The following TRIM36 variants were observed in gnomAD, a reference collection of about 807,000 sequenced individuals.
The protein encoded by TRIM36 is E3 ubiquitin-protein ligase TRIM36.
Under a neutral mutation model 72.4 loss-of-function variants are expected in TRIM36, and 42 were observed. The ratio of observed to expected loss-of-function variants is 0.58; its 90% confidence interval spans 0.45 to 0.75. The LOEUF is 0.75. Among genes scored for constraint, TRIM36 ranks in the 30% least tolerant of loss-of-function variants. The probability of loss-of-function intolerance (pLI) is 0.00; values close to 1 mark genes in which losing one functional copy is unlikely to be tolerated. For missense variants in TRIM36, 913 were observed against 857.1 expected (o/e 1.07, Z -0.81); for synonymous variants, 315 against 282.8 (o/e 1.11, Z -1.14).
In TRIM36 at chr5:115,141,369, C is replaced by T. The variant is rs767173799; in HGVS notation, c.741G>A (p.Lys247=). ...MSSAYKTLKE[K]LSKDIDYLIG... is the part of the protein sequence containing the mutation. ...TAAGGTAATCAATATCCTTTGAAAG[C>T]TTTTCCTGTTGAAACATATTCGTAA... The change falls in exon 5 of 10, where the codon AAG becomes AAA. Residue 247 remains lysine (K), a synonymous_variant. Coordinates refer to ENST00000513154, the MANE Select transcript of TRIM36 (RefSeq NM_001300759.2). 1.1e-5 allele frequency: 18 copies of T among 1,583,852 alleles called. No homozygotes were observed. The Admixed American group carries it at 2.3e-4, about 21-fold the overall frequency.
At chr5:115,132,316 T>C (rs562053666) in intron 8 of TRIM36, among the ~76,000 whole-genome samples, 1 of 151,854 alleles carries the variant, frequency 6.6e-6, no homozygotes, top group African/African-American at 2.4e-5. Flanking sequence ...GGTGGATCAC[T>C]TGAGGTCAGG....
intron 1 of TRIM36, among the ~76,000 whole-genome samples, chr5:115,175,690 A>T (rs1755299171): frequency 6.6e-6 from 1 of 151,934 alleles, no homozygotes; most frequent in Admixed American, 6.6e-5. Flanking sequence ...AGTAAAAAAA[A>T]ATAAGAGGAA....
At chr5:115,138,877 G>A (rs975200625) in intron 5 of TRIM36, among the ~76,000 whole-genome samples, 18 of 152,040 alleles carry the variant, frequency 1.2e-4, no homozygotes, top group African/African-American at 3.1e-4. Flanking sequence ...GTGCAGTGGC[G>A]CGATCTCGGC....
chr5:115,161,789 T>C (rs1321981512), intron 2 of TRIM36, among the ~76,000 whole-genome samples: 1 of 152,162 alleles, frequency 6.6e-6, no homozygotes, highest in Non-Finnish European at 1.5e-5. Context: ...TTACAGTAGT[T>C]GAGCTAAAGG....
At chr5:115,137,261 T>C (rs925375053) in intron 6 of TRIM36, 102 bp downstream of exon 6, 1 of 1,495,910 alleles carries the variant, frequency 6.7e-7, no homozygotes, top group South Asian at 1.4e-5. Flanking sequence ...GTACCTCACA[T>C]TAACACAGCA....
At position 115,166,939 on chromosome 5, in the gene TRIM36, TG is replaced by T. The variant is rs754817087; in HGVS notation, c.27+2668del. ...CCTGCCCCGCCACAGCCACCATGCC[TG>T]GCTGTGCACACTGTACCCCGCGCTC... On this transcript the variant is annotated intron_variant, in intron 1 of 9. Coordinates refer to ENST00000513154, the MANE Select transcript of TRIM36 (RefSeq NM_001300759.2). Among the ~76,000 whole-genome samples the T allele has an allele frequency of 2.6e-5, 4 of 152,318 alleles. No homozygotes were observed. The East Asian group carries it at 7.7e-4, about 29-fold the overall frequency.
Position 115,137,543 on chromosome 5 carries a change from T to C in TRIM36, c.905A>G (p.Lys302Arg). The change falls in exon 6 of 10, where the codon AAA (lysine) becomes AGA (arginine). Residue 302 changes from lysine to arginine, a missense_variant. Coordinates refer to ENST00000513154, the MANE Select transcript of TRIM36 (RefSeq NM_001300759.2). ...GTCAATTGCTTTCAAAACAGATGAT[T>C]TCCTCTCTTCCAGAACTTCAAAGAG... ...EKLFEVLEER[K>R]SSVLKAIDSS... 1 of 1,614,078 alleles carries C rather than the reference T, an allele frequency of 6.2e-7. No individual in the cohort carries two copies. Among genetic ancestry groups the C allele is most frequent in the Non-Finnish European group, 8.5e-7 (1 of 1,179,996 alleles).
chr5:115,159,671 C>G (rs768978040), intron 2 of TRIM36: 3 of 452,892 alleles, frequency 6.6e-6, no homozygotes, highest in South Asian at 4.7e-5. Context: ...CGTTGTGATG[C>G]TGTGAACAAT....
chr5:115,127,832 A>G (rs1752435593), intron 9 of TRIM36, among the ~76,000 whole-genome samples: 1 of 152,084 alleles, frequency 6.6e-6, no homozygotes, highest in Non-Finnish European at 1.5e-5. Context: ...ACTGTAAAAC[A>G]GCCTCAGGCA....
chr5:115,157,441 G>T (rs1754234913), intron 2 of TRIM36, among the ~76,000 whole-genome samples: 1 of 152,112 alleles, frequency 6.6e-6, no homozygotes, highest in Admixed American at 6.6e-5. Context: ...GTGCTCACTT[G>T]TAATCCCAGC....
upstream of TRIM36, chr5:115,171,165 G>C: frequency 6.2e-7 from 1 of 1,614,212 alleles, no homozygotes. Flanking sequence ...GCTGTGGCAA[G>C]TTCCGTCGTC....
intron 3 of TRIM36, among the ~76,000 whole-genome samples, chr5:115,145,421 C>T (rs1303452919): frequency 6.6e-6 from 1 of 152,038 alleles, no homozygotes; most frequent in Non-Finnish European, 1.5e-5. Flanking sequence ...AGGGGAGATT[C>T]CTTTAAGTTA....
upstream of TRIM36, among the ~76,000 whole-genome samples, chr5:115,172,051 T>C (rs990236903): frequency 2.0e-5 from 3 of 152,222 alleles, 1 homozygote; most frequent in Admixed American, 2.0e-4. Context: ...AATTTTGTGT[T>C]TGTAAAAATT....
intron 4 of TRIM36, 90 bp downstream of exon 4, chr5:115,144,508 T>C (rs1753468685): frequency 6.6e-6 from 10 of 1,504,708 alleles, no homozygotes; most frequent in Middle Eastern, 1.7e-4. Context: ...AAAGAGACCA[T>C]ATAACACACC....
intron 9 of TRIM36, among the ~76,000 whole-genome samples, chr5:115,128,403 G>A (rs1752469976): frequency 6.6e-6 from 1 of 151,646 alleles, no homozygotes; most frequent in African/African-American, 2.4e-5. Context: ...GATGTACAAT[G>A]TGTTTGTGTT....
intron 1 of TRIM36, among the ~76,000 whole-genome samples, chr5:115,165,996 C>T (rs746830371): frequency 1.1e-4 from 16 of 152,128 alleles, no homozygotes; most frequent in African/African-American, 3.1e-4. Context: ...GGACTTTGGG[C>T]GCTGATGAAC....
intron 2 of TRIM36, 40 bp downstream of exon 2, chr5:115,163,478 T>C: frequency 6.5e-7 from 1 of 1,542,164 alleles, no homozygotes. Context: ...TCTATAAGCT[T>C]ACCCCCACTA....
At chr5:115,141,436 A>ATT in intron 4 of TRIM36, 62 bp from the exon 5 acceptor site, 2 of 1,176,528 alleles carry the variant, frequency 1.7e-6, no homozygotes, top group East Asian at 2.6e-5. Flanking sequence ...ACTTTGCAGA[A>ATT]TTTTTTTTTA....
intron 5 of TRIM36, among the ~76,000 whole-genome samples, chr5:115,138,875 G>T (rs1753116615): frequency 6.6e-6 from 1 of 152,142 alleles, no homozygotes; most frequent in Non-Finnish European, 1.5e-5. Flanking sequence ...TAGTGCAGTG[G>T]CGCGATCTCG....
Sources: allele counts gnomAD v4.1 joint callset (sites outside exome capture counted in the v4.1 genomes callset), GRCh38; gene constraint gnomAD v4.1.1; transcripts MANE v1.5; gene names NCBI Gene and HGNC (gene_info 2026-07-23, HGNC 2026-07-21).